CIB2: variants seen among roughly 807,000 people sequenced by gnomAD.
CIB2 encodes calcium and integrin binding family member 2.
In CIB2, 19 loss-of-function variants were observed where a neutral mutation model predicts 23.1. The observed-to-expected ratio is 0.82, with a 90% CI of 0.57 to 1.21. The LOEUF (loss-of-function observed/expected upper bound fraction) is 1.21. CIB2 is among the 50% of genes most tolerant of loss of function. The pLI is 0.00. For missense variants in CIB2, 220 were observed against 241.5 expected, an observed-to-expected ratio of 0.91 and a Z score of 0.59; for synonymous variants, 94 against 91.7, an observed-to-expected ratio of 1.03 and a Z score of -0.14.
Position 78,105,752 on chromosome 15 carries a change from G to C in CIB2, c.529C>G (p.Pro177Ala). The C allele has an allele frequency of 1.9e-6, 3 of 1,614,082 alleles. No individual in the cohort carries two copies. Among genetic ancestry groups the C allele is most frequent in the Non-Finnish European group, 2.5e-6 (3 of 1,180,022 alleles). Residue 177 changes from proline (P) to alanine (A), a missense_variant, in exon 5 of 6, where the codon CCT becomes GCT. Transcript: ENST00000258930. ...ADFEDMIAKA[P>A]DFLSTFHIRI ...TAGTGGCAGCACCTGAGGAAGTCAG[G>C]GGCCTTGGCAATCATGTCCTCGAAG...
chr15:78,117,130 GT>G (rs1466565670), intron 2 of CIB2, among the ~76,000 whole-genome samples: 1 of 150,618 alleles, frequency 6.6e-6, no homozygotes, highest in African/African-American at 2.4e-5. Flanking sequence ...ACGATGATCT[GT>G]TCATTTTTCT....
At chr15:78,107,174 G>A (rs2074084326) in intron 4 of CIB2, among the ~76,000 whole-genome samples, 1 of 152,142 alleles carries the variant, frequency 6.6e-6, no homozygotes. Context: ...GGCGGAGCTT[G>A]CAGTGAGCTG....
At chr15:78,129,641 C>T (rs901098174) in intron 1 of CIB2, among the ~76,000 whole-genome samples, 26 of 152,322 alleles carry the variant, frequency 1.7e-4, no homozygotes, top group African/African-American at 6.3e-4. Flanking sequence ...ACACACTCCA[C>T]CACCTGCCTC....
intron 2 of CIB2, among the ~76,000 whole-genome samples, chr15:78,118,865 A>G (rs2074278416): frequency 6.6e-6 from 1 of 151,740 alleles, no homozygotes; most frequent in Admixed American, 6.6e-5. Flanking sequence ...GGCAACCACT[A>G]TTCTACTTTC....
Position 78,123,583 on chromosome 15 carries a change from C to A in CIB2, c.86+122G>T, listed in dbSNP as rs2074346217. ...TGGCCGAGTGGGGACCTGAATGTGG[C>A]TCCTGATACATGCTGATGCTCTGCC... On this transcript the variant is annotated intron_variant, in intron 2 of 5. Transcript: ENST00000258930. 5 of 1,013,252 alleles carry A rather than the reference C, an allele frequency of 4.9e-6. No individual in the cohort carries two copies. The African/African-American group carries it at 6.3e-5, about 13-fold the overall frequency. 62.8% of individuals were successfully genotyped at this position (1,013,252 alleles called of 1,614,324 possible). A position where few individuals can be genotyped will look rare whatever the true frequency, so the allele number is the denominator to read the frequency against.
Position 78,105,752 on chromosome 15 carries a change from G to A in CIB2, c.529C>T (p.Pro177Ser). The change falls in exon 5 of 6, where the codon CCT becomes TCT. Residue 177 changes from proline (P) to serine (S), a missense_variant. Coordinates refer to ENST00000258930, the MANE Select transcript of CIB2 (RefSeq NM_006383.4). ...ADFEDMIAKAPDFLSTFHIRI is the reference protein window; with the variant it reads ...ADFEDMIAKASDFLSTFHIRI ...TAGTGGCAGCACCTGAGGAAGTCAG[G>A]GGCCTTGGCAATCATGTCCTCGAAG... is the stretch of plus-strand genomic sequence containing the variant. 2 of 1,614,082 alleles carry A rather than the reference G, an allele frequency of 1.2e-6. No homozygotes were observed. Among genetic ancestry groups the A allele is most frequent in the Non-Finnish European group, 1.7e-6 (2 of 1,180,022 alleles).
intron 1 of CIB2, among the ~76,000 whole-genome samples, chr15:78,129,460 C>G (rs1323233972): frequency 6.6e-6 from 1 of 152,182 alleles, no homozygotes; most frequent in Non-Finnish European, 1.5e-5. Context: ...TGCCCCTGCC[C>G]ACTCCCAAGC....
At chr15:78,115,575 GTA>G (rs1289936717) in intron 2 of CIB2, among the ~76,000 whole-genome samples, 2 of 150,558 alleles carry the variant, frequency 1.3e-5, no homozygotes, top group Admixed American at 6.6e-5. Context: ...GTATTTTAAA[GTA>G]TATGTTGTTT....
intron 2 of CIB2, among the ~76,000 whole-genome samples, chr15:78,115,269 A>T (rs553780558): frequency 4.1e-4 from 63 of 152,138 alleles, no homozygotes; most frequent in Admixed American, 1.0e-3. Context: ...TTATTTATTT[A>T]TTTTTTGAGA....
intron 3 of CIB2, among the ~76,000 whole-genome samples, chr15:78,110,900 GC>G (rs2074148869): frequency 1.3e-5 from 2 of 152,096 alleles, no homozygotes; most frequent in Non-Finnish European, 2.9e-5. Flanking sequence ...CAGGCTTGGG[GC>G]CACTTAACAA....
Position 78,111,232 on chromosome 15 carries a change from A to T in CIB2, c.131T>A (p.Met44Lys), listed in dbSNP as rs757060895. Reference sequence around the variant, plus strand: ...GACGATGGGGCTCTTCCTGTAGTCCATTGGGACGAGGTTGGGGGCCAGCTC... The same window carrying T: ...GACGATGGGGCTCTTCCTGTAGTCCTTTGGGACGAGGTTGGGGGCCAGCTC... ...FYELAPNLVPMDYRKSPIVHV... is the reference protein window; with the variant it reads ...FYELAPNLVPKDYRKSPIVHV... Residue 44 changes from methionine (M) to lysine (K), a missense_variant, in exon 3 of 6, where the codon ATG becomes AAG. Physicochemically the swap from Met to Lys is moderately conservative, Grantham distance 95 (BLOSUM62 -1). Coordinates refer to ENST00000258930, the MANE Select transcript of CIB2 (RefSeq NM_006383.4). 6.2e-7 allele frequency: 1 copy of T among 1,614,028 alleles called. No homozygotes were observed. The highest frequency in any genetic ancestry group is 1.3e-5 in the African/African-American group (1 of 74,916).
rs559220803 is a variant in CIB2 at position 78,126,299 on chromosome 15, T to A, written c.52-2560A>T. Among the ~76,000 whole-genome samples the A allele has an allele frequency of 1.5e-4, 23 of 152,256 alleles. No individual in the cohort carries two copies. In the South Asian group the frequency reaches 4.8e-3, roughly 32 times the overall value. On this transcript the variant is annotated intron_variant, in intron 1 of 5. Transcript: ENST00000258930. ...CTGGGATTACAGGCATGCGCCACCA[T>A]GCCTGGCTAATTTTTGTATTCTTAG... is the stretch of plus-strand genomic sequence containing the variant.
In CIB2 at chr15:78,114,762, G is replaced by A. The variant is rs544627492; in HGVS notation, c.87-3486C>T. Reference sequence around the variant, plus strand: ...GAGACCAGCCTGAGCAATGTAGTGAGACCATGTCTCTACAAAAAAAAAAAA... The same window carrying A: ...GAGACCAGCCTGAGCAATGTAGTGAAACCATGTCTCTACAAAAAAAAAAAA... On this transcript the variant is annotated intron_variant, in intron 2 of 5. Transcript: ENST00000258930. Among the ~76,000 whole-genome samples the A allele has an allele frequency of 1.6e-4, 23 of 145,000 alleles. No individual in the cohort carries two copies. The East Asian group carries it at 4.3e-3, about 27-fold the overall frequency.
intron 3 of CIB2, 121 bp downstream of exon 3, chr15:78,111,044 G>A: frequency 1.2e-6 from 1 of 811,230 alleles, no homozygotes; most frequent in Non-Finnish European, 2.2e-6. Context: ...GAGGTTCTGT[G>A]ATCTGCTCAG....
Position 78,111,158 on chromosome 15 carries a change from C to T in CIB2, c.198+7G>A. ...CCCTGCTCGCCAGCAAGAGGTCCTG[C>T]ACATACCCGGAGCTCTGGCATCTGG... is the stretch of plus-strand genomic sequence containing the variant. On this transcript the variant is annotated splice_region_variant and intron_variant, in intron 3 of 5. Transcript: ENST00000258930. 1 of 1,612,800 alleles carries T rather than the reference C, an allele frequency of 6.2e-7. No homozygotes were observed. The highest frequency in any genetic ancestry group is 1.3e-5 in the African/African-American group (1 of 75,022).
chr15:78,131,074 G>C lies in CIB2; in HGVS notation c.51+91C>G. 2 of 1,191,620 alleles carry C rather than the reference G, an allele frequency of 1.7e-6. No individual in the cohort carries two copies. The highest frequency in any genetic ancestry group is 2.3e-6 in the Non-Finnish European group (2 of 855,696). 73.8% of individuals were successfully genotyped at this position (1,191,620 alleles called of 1,614,324 possible). A position where few individuals can be genotyped will look rare whatever the true frequency, so the allele number is the denominator to read the frequency against. On this transcript the variant is annotated intron_variant, in intron 1 of 5. Coordinates refer to ENST00000258930, the MANE Select transcript of CIB2 (RefSeq NM_006383.4). The surrounding 1 kb of genome is among the most constrained non-coding windows in gnomAD (Gnocchi z 5.8). ...GGCAGGGTTTGAACCTGGGAGAGCT[G>C]GCTCTCGGGAGGCCTCGGCCAGCGA... is the stretch of plus-strand genomic sequence containing the variant.
Position 78,104,965 on chromosome 15 carries a change from G to A in CIB2, c.*346C>T, listed in dbSNP as rs572702233. 8.8e-5 allele frequency: 29 copies of A among 330,126 alleles called. No individual in the cohort carries two copies. The highest frequency in any genetic ancestry group is 1.4e-4 in the Non-Finnish European group (24 of 171,132). The allele number at this position is 330,126 out of a possible 1,614,324, so 20.4% of individuals were successfully genotyped here. A position where few individuals can be genotyped will look rare whatever the true frequency, so the allele number is the denominator to read the frequency against. On this transcript the variant is annotated 3_prime_UTR_variant, in exon 6 of 6. Coordinates refer to ENST00000258930, the MANE Select transcript of CIB2 (RefSeq NM_006383.4). This position sits in a 1 kb window ranked among gnomAD's most constrained non-coding sequence, Gnocchi z 4.4. ...AGGGTGTCTGCCAGCACTTGGACAC[G>A]TCAGACCCCACCACCTCCTGTTGGG...
chr15:78,105,557 C>T (rs756560139), intron 5 of CIB2, 182 bp downstream of exon 5: 69 of 1,480,824 alleles, frequency 4.7e-5, no homozygotes, highest in Non-Finnish European at 5.4e-5. Flanking sequence ...AGGTCTTCAA[C>T]CTTCCCCCTG....
intron 1 of CIB2, among the ~76,000 whole-genome samples, chr15:78,123,969 G>A (rs564977074): frequency 6.6e-6 from 1 of 152,312 alleles, no homozygotes; most frequent in Non-Finnish European, 1.5e-5. Context: ...AAGGAGCTTA[G>A]TGCATGGTGG....
Sources: gnomAD v4.1 joint callset for allele counts (sites outside exome capture counted in the v4.1 genomes callset) on GRCh38, gnomAD v4.1.1 for gene constraint, Gnocchi (gnomAD v3.1) non-coding constraint, MANE v1.5 for transcripts, NCBI Gene and HGNC (gene_info 2026-07-23, HGNC 2026-07-21) for gene names.